RHAG: variants seen among roughly 807,000 people sequenced by gnomAD.
RHAG encodes the protein ammonium transporter Rh type A.
Under a neutral mutation model 42.4 loss-of-function variants are expected in RHAG, and 25 were observed. That is an observed-to-expected ratio of 0.59 (90% CI 0.43 to 0.82). The LOEUF is 0.82. RHAG is among the 40% of genes least tolerant of loss of function. RHAG has a pLI of 0.00. For missense variants in RHAG, 483 were observed against 504.6 expected (o/e 0.96, Z 0.41); for synonymous variants, 182 against 177.7 (o/e 1.02, Z -0.19).
intron 1 of RHAG, among the ~76,000 whole-genome samples, chr6:49,624,517 A>G (rs1562017778): frequency 1.3e-5 from 2 of 152,220 alleles, no homozygotes; most frequent in South Asian, 2.1e-4. Context: ...TTTCACATTT[A>G]GAGAGGCATC....
At chr6:49,629,402 GC>G (rs1299719081) in intron 1 of RHAG, among the ~76,000 whole-genome samples, 1 of 152,166 alleles carries the variant, frequency 6.6e-6, no homozygotes, top group East Asian at 1.9e-4. Context: ...GATACAGAGT[GC>G]CGGTTGGTGT....
intron 1 of RHAG, among the ~76,000 whole-genome samples, chr6:49,632,541 TTA>T (rs1241233618): frequency 3.2e-4 from 48 of 152,226 alleles, no homozygotes; most frequent in Non-Finnish European, 3.4e-4. Context: ...ATATTCTTTT[TTA>T]TGTTATATAT....
At chr6:49,634,139 T>C (rs1177926778) in intron 1 of RHAG, among the ~76,000 whole-genome samples, 1 of 152,206 alleles carries the variant, frequency 6.6e-6, no homozygotes, top group Non-Finnish European at 1.5e-5. Context: ...ACATTTCAAA[T>C]CTTCTCTTCT....
intron 3 of RHAG, 87 bp from the exon 4 acceptor site, chr6:49,615,858 G>T: frequency 7.4e-7 from 1 of 1,357,778 alleles, no homozygotes; most frequent in Non-Finnish European, 1.1e-6. Flanking sequence ...TTGCATTGTT[G>T]GTTAAACAAC....
chr6:49,614,930 T>C, intron 4 of RHAG, 77 bp from the exon 5 acceptor site: 1 of 1,256,494 alleles, frequency 8.0e-7, no homozygotes. Flanking sequence ...CTTTATTTAT[T>C]TATTTACTTA....
At chr6:49,605,996 T>G (rs1774156744) in intron 9 of RHAG, among the ~76,000 whole-genome samples, 166 bp from the exon 10 acceptor site, 1 of 152,184 alleles carries the variant, frequency 6.6e-6, no homozygotes, top group African/African-American at 2.4e-5. Context: ...AACATTTATC[T>G]CACCCACCCT....
intron 1 of RHAG, among the ~76,000 whole-genome samples, chr6:49,636,248 C>T (rs559166012): frequency 6.6e-6 from 1 of 152,134 alleles, no homozygotes; most frequent in South Asian, 2.1e-4. Flanking sequence ...CACATGAAAT[C>T]TAGGGTTCCC....
intron 1 of RHAG, among the ~76,000 whole-genome samples, chr6:49,629,019 G>A (rs978829842): frequency 5.9e-5 from 9 of 152,138 alleles, no homozygotes; most frequent in African/African-American, 9.7e-5. Context: ...CAAGTGGTGC[G>A]TTTTGACAGG....
chr6:49,606,178 G>C (rs1774160585), intron 9 of RHAG, among the ~76,000 whole-genome samples: 1 of 152,080 alleles, frequency 6.6e-6, no homozygotes, highest in African/African-American at 2.4e-5. Context: ...AGGACCTCTT[G>C]ATGTGTACTC....
intron 2 of RHAG, among the ~76,000 whole-genome samples, chr6:49,618,912 A>T (rs1762702567): frequency 6.6e-6 from 1 of 152,162 alleles, no homozygotes; most frequent in Admixed American, 6.5e-5. Flanking sequence ...CAAGATCAAG[A>T]TGCTGACAGA....
At chr6:49,609,337 C>T (rs1762529143) in intron 7 of RHAG, among the ~76,000 whole-genome samples, 1 of 152,148 alleles carries the variant, frequency 6.6e-6, no homozygotes, top group Non-Finnish European at 1.5e-5. Context: ...TAACCAATGT[C>T]TGACCTCCCA....
intron 3 of RHAG, 111 bp from the exon 4 acceptor site, chr6:49,615,882 A>G: frequency 9.4e-7 from 1 of 1,063,956 alleles, no homozygotes; most frequent in Non-Finnish European, 1.4e-6. Flanking sequence ...AAAAAATTAA[A>G]GAGGGACAGA....
chr6:49,624,102 A>G (rs1762805290), intron 1 of RHAG, among the ~76,000 whole-genome samples: 1 of 152,202 alleles, frequency 6.6e-6, no homozygotes, highest in Non-Finnish European at 1.5e-5. Flanking sequence ...AAAGCGAAGA[A>G]ATCTCAAGGC....
intron 1 of RHAG, among the ~76,000 whole-genome samples, chr6:49,634,086 G>C (rs935045008): frequency 6.6e-6 from 1 of 152,082 alleles, no homozygotes; most frequent in Non-Finnish European, 1.5e-5. Flanking sequence ...TGTTATTCAG[G>C]ATATCCATCA....
chr6:49,606,672 A>C (rs747104827), intron 9 of RHAG, 176 bp downstream of exon 9: 2 of 601,416 alleles, frequency 3.3e-6, no homozygotes, highest in Non-Finnish European at 6.0e-6. Context: ...CTGGCATCAA[A>C]CAATCCTCCA....
At chr6:49,619,507 G>A in intron 1 of RHAG, 145 bp from the exon 2 acceptor site, 12 of 839,848 alleles carry the variant, frequency 1.4e-5, no homozygotes, top group Non-Finnish European at 2.3e-5. Flanking sequence ...CAAAAGTCTT[G>A]TTCCAATGCC....
chr6:49,628,466 G>A (rs535185516), intron 1 of RHAG, among the ~76,000 whole-genome samples: 15 of 152,116 alleles, frequency 9.9e-5, no homozygotes, highest in Non-Finnish European at 2.2e-4. Context: ...GAATGAAGCC[G>A]CGGACCCTCG....
Position 49,619,286 on chromosome 6 carries a change from G to T in RHAG, c.234C>A (p.Ser78Arg). 1 of 1,614,008 alleles carries T rather than the reference G, an allele frequency of 6.2e-7. No homozygotes were observed. The highest frequency in any genetic ancestry group is 8.5e-7 in the Non-Finnish European group (1 of 1,179,962). ...LMTFLKKYGF[S>R]SVGINLLVAA... is the part of the protein sequence containing the mutation. The stretch of plus-strand genomic sequence containing the variant: ...CAACGAGTAGGTTGATACCCACACT[G>T]CTGAAGCCATATTTCTTCAGGAAGG... Residue 78 changes from serine (S) to arginine (R), a missense_variant, in exon 2 of 10, where the codon AGC becomes AGA. Ser to Arg is a moderately radical substitution (Grantham distance 110). Transcript: ENST00000371175.
In RHAG at chr6:49,619,514, T is replaced by C. The variant is rs12524967; in HGVS notation, c.158-152A>G. 0.22 allele frequency: 175,091 copies of C among 808,672 alleles called. 22,373 individuals carry two copies. Among genetic ancestry groups the C allele is most frequent in the Admixed American group, 0.44 (21,291 of 48,130 alleles). The allele number at this position is 808,672 out of a possible 1,614,324, so 50.1% of individuals were successfully genotyped here. ...CTGGGAAGCAAAAGTCTTGTTCCAATGCCAGCTTGACTACTTACTAACCAA... is the reference window on the plus strand; with the variant it reads ...CTGGGAAGCAAAAGTCTTGTTCCAACGCCAGCTTGACTACTTACTAACCAA... On this transcript the variant is annotated intron_variant, in intron 1 of 9. Coordinates refer to ENST00000371175, the MANE Select transcript of RHAG (RefSeq NM_000324.3).
Sources: gnomAD v4.1 joint callset for allele counts (sites outside exome capture counted in the v4.1 genomes callset) on GRCh38, gnomAD v4.1.1 for gene constraint, MANE v1.5 for transcripts, NCBI Gene and HGNC (gene_info 2026-07-23, HGNC 2026-07-21) for gene names.